Variants in LMO7 observed in about 807,000 individuals in gnomAD.
LMO7 encodes the protein LIM domain only protein 7.
Under a neutral mutation model 206.5 loss-of-function variants are expected in LMO7, and 120 were observed. The ratio of observed to expected loss-of-function variants is 0.58; its 90% CI spans 0.50 to 0.68. The LOEUF (loss-of-function observed/expected upper bound fraction) is 0.68. LMO7 is among the 30% of genes least tolerant of loss of function. The pLI is 0.00. For synonymous variants in LMO7, 706 were observed against 681.5 expected (o/e 1.04, Z -0.56); for missense variants, 1,959 against 1,957.9 (o/e 1.00, Z -0.01).
At chr13:75,733,452 G>A (rs1468437017) in intron 3 of LMO7, among the ~76,000 whole-genome samples, 1 of 152,206 alleles carries the variant, frequency 6.6e-6, no homozygotes. Context: ...ATAATCTCCT[G>A]GTGCGCCGTT....
chr13:75,698,929 T>G (rs1190126670), intron 1 of LMO7, among the ~76,000 whole-genome samples: 1 of 152,174 alleles, frequency 6.6e-6, no homozygotes, highest in Non-Finnish European at 1.5e-5. Flanking sequence ...TCAAAACATT[T>G]TCACCAAAGA....
intron 1 of LMO7, among the ~76,000 whole-genome samples, chr13:75,649,591 G>T (rs1269776359): frequency 2.0e-5 from 3 of 152,048 alleles, no homozygotes; most frequent in Admixed American, 1.3e-4. Context: ...AACCAAGCTT[G>T]GTAAAGTTTT....
chr13:75,622,591 T>C (rs557922166), intron 1 of LMO7, among the ~76,000 whole-genome samples: 79 of 152,214 alleles, frequency 5.2e-4, no homozygotes, highest in Non-Finnish European at 6.9e-4. Context: ...AGTCTAGAGC[T>C]CTTTCAGGGG....
At chr13:75,644,820 C>T (rs566299416) in intron 1 of LMO7, among the ~76,000 whole-genome samples, 1 of 152,122 alleles carries the variant, frequency 6.6e-6, no homozygotes, top group Non-Finnish European at 1.5e-5. Context: ...GTTGTAGGGA[C>T]AAGGTCTCGC....
At chr13:75,640,558 C>T (rs1187621124) in intron 1 of LMO7, among the ~76,000 whole-genome samples, 4 of 152,188 alleles carry the variant, frequency 2.6e-5, no homozygotes, top group African/African-American at 9.7e-5. Flanking sequence ...TCCTTTCTCT[C>T]CTGTCTTACA....
chr13:75,760,704 A>G (rs1317427565), intron 3 of LMO7: 4 of 1,527,636 alleles, frequency 2.6e-6, no homozygotes, highest in Non-Finnish European at 3.5e-6. Context: ...TCACAGAAAC[A>G]GTGTATGCCC....
At chr13:75,641,501 A>G (rs9573600) in intron 1 of LMO7, among the ~76,000 whole-genome samples, 4,548 of 152,234 alleles carry the variant, frequency 0.03, 183 homozygotes, top group African/African-American at 0.089. Flanking sequence ...GCTTTTTATC[A>G]CTCAAGAGAG....
intron 1 of LMO7, among the ~76,000 whole-genome samples, chr13:75,711,698 C>T (rs1164063531): frequency 2.6e-5 from 4 of 152,340 alleles, no homozygotes; most frequent in South Asian, 2.1e-4. Context: ...TCTTCTGCGT[C>T]GCTCACGCTG....
intron 3 of LMO7, among the ~76,000 whole-genome samples, chr13:75,734,898 G>A (rs944471741): frequency 6.6e-5 from 10 of 152,202 alleles, no homozygotes; most frequent in Admixed American, 2.6e-4. Context: ...AGGAGATGAC[G>A]ACCATCCTGG....
intron 3 of LMO7, among the ~76,000 whole-genome samples, chr13:75,759,254 C>T (rs1210385027): frequency 1.3e-5 from 2 of 152,154 alleles, no homozygotes; most frequent in African/African-American, 4.8e-5. Context: ...ATTACAATTT[C>T]AGATGAGAAT....
At chr13:75,769,353 G>T (rs1018544023) in intron 4 of LMO7, among the ~76,000 whole-genome samples, 1 of 151,930 alleles carries the variant, frequency 6.6e-6, no homozygotes, top group Non-Finnish European at 1.5e-5. Flanking sequence ...CTACTAACCT[G>T]GGAGGCAGGA....
intron 3 of LMO7, among the ~76,000 whole-genome samples, chr13:75,735,973 A>G (rs2045787316): frequency 6.6e-6 from 1 of 152,160 alleles, no homozygotes. Flanking sequence ...TTTTAAAGCA[A>G]ATTAGACTTT....
At chr13:75,703,305 A>G (rs1350129872) in intron 1 of LMO7, among the ~76,000 whole-genome samples, 3 of 152,220 alleles carry the variant, frequency 2.0e-5, no homozygotes, top group African/African-American at 7.2e-5. Context: ...TCAGCCAGTG[A>G]GAAGTTGGGT....
intron 1 of LMO7, among the ~76,000 whole-genome samples, chr13:75,709,433 A>T (rs1002923195): frequency 3.8e-4 from 57 of 151,734 alleles, no homozygotes; most frequent in Admixed American, 1.5e-3. Flanking sequence ...AAGTGTTCCT[A>T]TTTCTCCATA....
At chr13:75,651,436 A>T (rs1428770241) in intron 1 of LMO7, among the ~76,000 whole-genome samples, 2 of 151,226 alleles carry the variant, frequency 1.3e-5, no homozygotes, top group Non-Finnish European at 2.9e-5. Flanking sequence ...CAGCCTCCCG[A>T]GTGGCTGGGA....
intron 9 of LMO7, 119 bp from the exon 10 acceptor site, chr13:75,807,361 T>C: frequency 9.8e-7 from 1 of 1,019,802 alleles, no homozygotes; most frequent in Non-Finnish European, 1.4e-6. Flanking sequence ...TCTAAAATGA[T>C]TTACCCTCAG....
intron 4 of LMO7, among the ~76,000 whole-genome samples, chr13:75,783,943 C>A (rs947087190): frequency 6.6e-6 from 1 of 152,150 alleles, no homozygotes; most frequent in Non-Finnish European, 1.5e-5. Flanking sequence ...CCCTGGGAAC[C>A]TCAAGTCTGC....
At chr13:75,686,243 C>G (rs1375955265) in intron 1 of LMO7, among the ~76,000 whole-genome samples, 1 of 152,056 alleles carries the variant, frequency 6.6e-6, no homozygotes, top group Admixed American at 6.6e-5. Flanking sequence ...ACTCACAGTT[C>G]CACGTGGCTC....
chr13:75,651,719 A>G (rs2037588406), intron 1 of LMO7, among the ~76,000 whole-genome samples: 1 of 152,136 alleles, frequency 6.6e-6, no homozygotes, highest in South Asian at 2.1e-4. Flanking sequence ...TTGGTGGGTC[A>G]TTTTGCGGTA....
Sources: gnomAD v4.1 joint callset for allele counts (sites outside exome capture counted in the v4.1 genomes callset) on GRCh38, gnomAD v4.1.1 for gene constraint, MANE v1.5 for transcripts, NCBI Gene and HGNC (gene_info 2026-07-23, HGNC 2026-07-21) for gene names.